Variants in NCOA6 observed in about 807,000 individuals in gnomAD.
NCOA6 encodes NRC RAP250.
NCOA6 carries 49 observed loss-of-function variants against 171.4 expected under a neutral mutation model. The ratio of observed to expected loss-of-function variants is 0.29; its 90% CI spans 0.23 to 0.36. The LOEUF is 0.36. Among genes scored for constraint, NCOA6 ranks in the 10% least tolerant of loss-of-function variants. NCOA6 has a pLI of 1.00. For missense variants in NCOA6, 2,248 were observed against 2,554.5 expected, an observed-to-expected ratio of 0.88 and a Z score of 2.59; for synonymous variants, 910 against 927.5, an observed-to-expected ratio of 0.98 and a Z score of 0.34.
chr20:34,822,999 C>T (rs1449785010), intron 1 of NCOA6, among the ~76,000 whole-genome samples: 4 of 152,076 alleles, frequency 2.6e-5, no homozygotes, highest in South Asian at 2.1e-4. Context: ...AGCCTTTATG[C>T]GCATCATGTC....
In NCOA6 at chr20:34,742,257, A is replaced by G; in HGVS notation, c.3999T>C (p.Ser1333=). 2.5e-6 allele frequency: 4 copies of G among 1,614,224 alleles called. No individual in the cohort carries two copies. Among genetic ancestry groups the G allele is most frequent in the Non-Finnish European group, 3.4e-6 (4 of 1,180,050 alleles). The change falls in exon 11 of 15, where the codon AGT becomes AGC. Residue 1333 remains serine (S), a synonymous_variant. Coordinates refer to ENST00000359003, the MANE Select transcript of NCOA6 (RefSeq NM_014071.5). ...RASPSNSRRS[S]PGSSRKTTPS... ...GAGTGGTTTTCCTACTGGACCCAGG[A>G]CTAGACCTGCGACTGTTGCTTGGAC...
intron 8 of NCOA6, among the ~76,000 whole-genome samples, chr20:34,753,099 G>A (rs1273424963): frequency 6.7e-6 from 1 of 150,264 alleles, no homozygotes; most frequent in Admixed American, 6.6e-5. Flanking sequence ...CTGGAGTGCA[G>A]TGGCGTGATC....
intron 1 of NCOA6, among the ~76,000 whole-genome samples, chr20:34,803,164 C>T (rs189651147): frequency 2.6e-5 from 4 of 152,144 alleles, no homozygotes; most frequent in Non-Finnish European, 4.4e-5. Flanking sequence ...TGCTACACTT[C>T]GTAAGTAATC....
intron 8 of NCOA6, among the ~76,000 whole-genome samples, chr20:34,751,691 C>T (rs2076492865): frequency 6.6e-6 from 1 of 152,074 alleles, no homozygotes; most frequent in African/African-American, 2.4e-5. Context: ...TGCGCAGTCC[C>T]TGGTGAATCA....
intron 4 of NCOA6, among the ~76,000 whole-genome samples, 158 bp downstream of exon 4, chr20:34,776,135 C>T (rs932567844): frequency 2.0e-5 from 3 of 152,246 alleles, no homozygotes; most frequent in Non-Finnish European, 4.4e-5. Context: ...AGTCCCTCTT[C>T]ATCCTAAGGT....
Position 34,757,908 on chromosome 20 carries a change from TTGCTGTTGTTGCTGCTGC to T in NCOA6, c.822_839del (p.Gln280_Gln285del). 6.2e-7 allele frequency: 1 copy of T among 1,613,788 alleles called. No individual in the cohort carries two copies. The highest frequency in any genetic ancestry group is 1.7e-5 in the Admixed American group (1 of 59,994). On this transcript the variant is annotated inframe_deletion, in exon 7 of 15. Coordinates refer to ENST00000359003, the MANE Select transcript of NCOA6 (RefSeq NM_014071.5). ...TTGCCTGCAACTGTTGTTGCTGCTG[TTGCTGTTGTTGCTGCTGC>T]TGCTGCTGCTGCTGCTGTTGTTGTT... is the stretch of plus-strand genomic sequence containing the variant.
intron 13 of NCOA6, 107 bp downstream of exon 13, chr20:34,732,452 G>A: frequency 9.3e-7 from 1 of 1,071,718 alleles, no homozygotes; most frequent in East Asian, 2.4e-5. Flanking sequence ...GTGCAAGAGT[G>A]AAGGAAAAGG....
At chr20:34,726,437 T>C (rs943945621) in intron 14 of NCOA6, among the ~76,000 whole-genome samples, 1 of 152,058 alleles carries the variant, frequency 6.6e-6, no homozygotes, top group African/African-American at 2.4e-5. Context: ...CATGGAAACA[T>C]GGAAAGATAG....
At chr20:34,788,838 G>C (rs992193577) in intron 2 of NCOA6, among the ~76,000 whole-genome samples, 2 of 152,168 alleles carry the variant, frequency 1.3e-5, no homozygotes, top group Non-Finnish European at 2.9e-5. Flanking sequence ...CCAGCTACTG[G>C]GAGGCTAAGG....
chr20:34,722,428 A>G (rs1206043184), intron 14 of NCOA6, among the ~76,000 whole-genome samples: 1 of 151,526 alleles, frequency 6.6e-6, no homozygotes, highest in Non-Finnish European at 1.5e-5. Flanking sequence ...TTAAAAAAAA[A>G]CTTTCATATG....
chr20:34,765,529 T>C (rs1366625048), intron 5 of NCOA6, among the ~76,000 whole-genome samples: 5 of 151,992 alleles, frequency 3.3e-5, no homozygotes, highest in African/African-American at 1.2e-4. Context: ...GACTACATGT[T>C]CAATAGTGAC....
Position 34,741,116 on chromosome 20 carries a change from G to A in NCOA6, c.5140C>T (p.Pro1714Ser). The A allele has an allele frequency of 6.2e-7, 1 of 1,614,238 alleles. No homozygotes were observed. Among genetic ancestry groups the A allele is most frequent in the Non-Finnish European group, 8.5e-7 (1 of 1,180,040 alleles). ...QNIKFSSAPV[P>S]PNALSSSPAP... ...GGACTACTGGAGAGGGCATTAGGCG[G>A]TACAGGAGCAGAAGAAAATTTTATG... The change falls in exon 11 of 15, where the codon CCG becomes TCG. Residue 1714 changes from proline (P) to serine (S), a missense_variant. Coordinates refer to ENST00000359003, the MANE Select transcript of NCOA6 (RefSeq NM_014071.5).
At chr20:34,778,125 G>A (rs1040447087) in intron 3 of NCOA6, among the ~76,000 whole-genome samples, 3 of 152,132 alleles carry the variant, frequency 2.0e-5, no homozygotes, top group African/African-American at 4.8e-5. Flanking sequence ...GGATGGTCTT[G>A]ATCTCCTGAC....
chr20:34,746,371 C>A (rs2076302390), intron 10 of NCOA6, among the ~76,000 whole-genome samples: 1 of 151,726 alleles, frequency 6.6e-6, no homozygotes. Flanking sequence ...TCCTGAGTAG[C>A]TGGGACTATA....
chr20:34,795,072 T>C (rs2078019799), intron 1 of NCOA6, among the ~76,000 whole-genome samples: 1 of 152,218 alleles, frequency 6.6e-6, no homozygotes, highest in Non-Finnish European at 1.5e-5. Context: ...AAAGCTCTCT[T>C]ACAGAAGACT....
chr20:34,762,098 T>C (rs1041346123), intron 5 of NCOA6, among the ~76,000 whole-genome samples: 4 of 152,272 alleles, frequency 2.6e-5, no homozygotes, highest in Admixed American at 2.6e-4. Context: ...GCTGTTTACA[T>C]GCAATTCTTA....
intron 12 of NCOA6, among the ~76,000 whole-genome samples, chr20:34,733,216 A>G (rs2075840216): frequency 6.6e-6 from 1 of 152,192 alleles, no homozygotes. Flanking sequence ...CTTCTTCCTC[A>G]GCACCAGCAG....
intron 10 of NCOA6, among the ~76,000 whole-genome samples, chr20:34,744,853 T>C (rs1341692043): frequency 6.6e-6 from 1 of 152,194 alleles, no homozygotes; most frequent in Non-Finnish European, 1.5e-5. Flanking sequence ...AGCCTGTTGA[T>C]GTCAGGGTTA....
rs77924836 is a variant in NCOA6, at chr20:34,773,991, T to C, written c.391+2302A>G. Among the ~76,000 whole-genome samples the C allele has an allele frequency of 1.8e-3, 270 of 152,346 alleles. 5 individuals carry two copies. In the East Asian group the frequency reaches 0.05, roughly 28 times the overall value. On this transcript the variant is annotated intron_variant, in intron 4 of 14. Coordinates refer to ENST00000359003, the MANE Select transcript of NCOA6 (RefSeq NM_014071.5). ...AACTCTTTCTGTATTGTGATAATCA[T>C]TGTCATATGTGAATTTCATAATTTC...
Sources: allele counts gnomAD v4.1 joint callset (sites outside exome capture counted in the v4.1 genomes callset), GRCh38; gene constraint gnomAD v4.1.1; transcripts MANE v1.5; gene names NCBI Gene and HGNC (gene_info 2026-07-23, HGNC 2026-07-21).